Variants in DNAH8 observed in about 807,000 individuals in gnomAD.
The protein encoded by DNAH8 is dynein axonemal heavy chain 8.
DNAH8 carries 382 observed loss-of-function variants against 562.1 expected under a neutral mutation model. The observed-to-expected ratio is 0.68, with a 90% CI of 0.63 to 0.74. The LOEUF is 0.74. Ranked by LOEUF, DNAH8 falls within the 30% of genes least tolerant of loss-of-function variation. The pLI is 0.00. For synonymous variants in DNAH8, 1,881 were observed against 1,919.4 expected, an observed-to-expected ratio of 0.98 and a Z score of 0.52; for missense variants, 5,203 against 5,620.4, an observed-to-expected ratio of 0.93 and a Z score of 2.37.
At chr6:38,954,312 CA>C (rs1335717100) in intron 82 of DNAH8, among the ~76,000 whole-genome samples, 1 of 152,178 alleles carries the variant, frequency 6.6e-6, no homozygotes, top group African/African-American at 2.4e-5. Context: ...TAAAACCCCA[CA>C]ACCACACAAA....
chr6:39,009,436 T>C (rs1006679386), intron 89 of DNAH8, among the ~76,000 whole-genome samples: 24 of 152,202 alleles, frequency 1.6e-4, no homozygotes, highest in African/African-American at 5.8e-4. Context: ...TTTTAATCAC[T>C]TCTGAAACTC....
At chr6:39,008,442 A>G (rs1765944552) in intron 88 of DNAH8, among the ~76,000 whole-genome samples, 1 of 151,974 alleles carries the variant, frequency 6.6e-6, no homozygotes, top group South Asian at 2.1e-4. Context: ...ATAATGATAG[A>G]CTCTTATGAC....
intron 74 of DNAH8, among the ~76,000 whole-genome samples, chr6:38,929,103 CACTT>C (rs1782334956): frequency 6.6e-6 from 1 of 152,120 alleles, no homozygotes; most frequent in South Asian, 2.1e-4. Flanking sequence ...TACTTTTTAT[CACTT>C]ACTCATCTTG....
chr6:38,842,196 T>C (rs565061959), intron 33 of DNAH8, among the ~76,000 whole-genome samples, 172 bp from the exon 34 acceptor site: 1 of 152,354 alleles, frequency 6.6e-6, no homozygotes, highest in African/African-American at 2.4e-5. Flanking sequence ...TAATGACAGA[T>C]CTTTAACGAA....
At position 38,734,332 on chromosome 6, in the gene DNAH8, C is replaced by CCG. The variant is rs1015142120; in HGVS notation, c.611-141_611-140insGC. 3 of 796,996 alleles carry CCG rather than the reference C, an allele frequency of 3.8e-6. No individual in the cohort carries two copies. In the Admixed American group the frequency reaches 1.3e-4, roughly 34 times the overall value. 49.4% of individuals were successfully genotyped at this position (796,996 alleles called of 1,614,324 possible). On this transcript the variant is annotated intron_variant, in intron 4 of 92. Transcript: ENST00000327475. ...TATTGGCATCTTCTAGTAGACCCCC[C>CCG]CCCAAAAAAATTATTCTATGACCGT...
intron 21 of DNAH8, among the ~76,000 whole-genome samples, chr6:38,802,452 A>G (rs918799243): frequency 1.3e-5 from 2 of 152,222 alleles, no homozygotes; most frequent in African/African-American, 4.8e-5. Flanking sequence ...GGGCATGTCA[A>G]AAGACTTATT....
chr6:38,787,695 C>CAAAAAAAAAAAAAAAAAAAA (rs67293877), intron 18 of DNAH8, among the ~76,000 whole-genome samples: 1 of 79,620 alleles, frequency 1.3e-5, no homozygotes, highest in Admixed American at 1.4e-4. Flanking sequence ...GACTCCATCT[C>CAAAAAAAAAAAAAAAAAAAA]AAAAAAAAAA....
chr6:38,759,087 G>T (rs1766223240), intron 10 of DNAH8, among the ~76,000 whole-genome samples: 1 of 152,030 alleles, frequency 6.6e-6, no homozygotes, highest in Non-Finnish European at 1.5e-5. Context: ...AGGATCGCTG[G>T]AGCTCACGAG....
chr6:38,937,495 G>T (rs905339931), intron 77 of DNAH8, among the ~76,000 whole-genome samples: 1 of 152,180 alleles, frequency 6.6e-6, no homozygotes, highest in Non-Finnish European at 1.5e-5. Context: ...TTCTACTAAA[G>T]CAGTGTGAGG....
rs753024616 is a variant in DNAH8 at position 38,805,597 on chromosome 6, G to A, written c.3150+1G>A. 6 of 1,484,756 alleles carry A rather than the reference G, an allele frequency of 4.0e-6. No individual in the cohort carries two copies. The South Asian group carries it at 5.7e-5, about 14-fold the overall frequency. 92.0% of individuals were successfully genotyped at this position (1,484,756 alleles called of 1,614,324 possible). A position where few individuals can be genotyped will look rare whatever the true frequency, so the allele number is the denominator to read the frequency against. On this transcript the variant is annotated splice_donor_variant, in intron 23 of 92. Transcript: ENST00000327475. LOFTEE classifies it high-confidence loss of function. ...TGATAAAGAAGATGAATTTAAAAAGGTATTTATTGTGGAACAACTTCATGC... is the reference window on the plus strand; with the variant it reads ...TGATAAAGAAGATGAATTTAAAAAGATATTTATTGTGGAACAACTTCATGC...
rs748894410 is a variant in DNAH8 at position 38,826,118 on chromosome 6, A to G, written c.3848-38A>G. 20 of 1,388,282 alleles carry G rather than the reference A, an allele frequency of 1.4e-5. No homozygotes were observed. In the South Asian group the frequency reaches 2.5e-4, roughly 17 times the overall value. The allele number at this position is 1,388,282 out of a possible 1,614,324, so 86.0% of individuals were successfully genotyped here. On this transcript the variant is annotated intron_variant, in intron 28 of 92. Coordinates refer to ENST00000327475, the MANE Select transcript of DNAH8 (RefSeq NM_001206927.2). ...GATGCCCTTATAGTTTCAGAATGCCAGTTATATTCTAATTTAATTTCTTCT... is the reference window on the plus strand; with the variant it reads ...GATGCCCTTATAGTTTCAGAATGCCGGTTATATTCTAATTTAATTTCTTCT...
chr6:38,748,417 A>C (rs1765140081), intron 8 of DNAH8, among the ~76,000 whole-genome samples: 1 of 152,186 alleles, frequency 6.6e-6, no homozygotes, highest in Admixed American at 6.5e-5. Flanking sequence ...CTGATATCCC[A>C]ACCTCTTTGT....
intron 16 of DNAH8, among the ~76,000 whole-genome samples, chr6:38,781,657 A>C (rs2127640265): frequency 6.6e-6 from 1 of 152,310 alleles, no homozygotes; most frequent in South Asian, 2.1e-4. Context: ...TTAAAAAGTA[A>C]AAATAAAAAA....
chr6:38,791,785 T>G, intron 21 of DNAH8, 111 bp downstream of exon 21: 1 of 1,098,176 alleles, frequency 9.1e-7, no homozygotes, highest in Non-Finnish European at 1.3e-6. Context: ...TAGACTTTTT[T>G]TTTTTGTTTT....
chr6:38,854,250 T>C (rs1420895247), intron 41 of DNAH8, among the ~76,000 whole-genome samples: 1 of 152,066 alleles, frequency 6.6e-6, no homozygotes, highest in East Asian at 1.9e-4. Context: ...GAGGCCAAGA[T>C]TGGAGCAGGT....
intron 17 of DNAH8, among the ~76,000 whole-genome samples, chr6:38,786,389 G>T (rs4714181): frequency 0.13 from 19,797 of 152,190 alleles, 1,584 homozygotes; most frequent in East Asian, 0.39. Context: ...TTGAAATGAG[G>T]TGGGGCATCT....
Position 38,762,052 on chromosome 6 carries a change from C to G in DNAH8, c.1617+249C>G, listed in dbSNP as rs1766574677. Among the ~76,000 whole-genome samples, 8 of 152,244 alleles carry G rather than the reference C, an allele frequency of 5.3e-5. No individual in the cohort carries two copies. In the South Asian group the frequency reaches 1.7e-3, roughly 32 times the overall value. On this transcript the variant is annotated intron_variant, in intron 11 of 92. Coordinates refer to ENST00000327475, the MANE Select transcript of DNAH8 (RefSeq NM_001206927.2). ...CTGTGTGCCATTTCATACGCTCTGG[C>G]CCCTACATCTCATTCCAGCCTGTTA...
intron 82 of DNAH8, among the ~76,000 whole-genome samples, chr6:38,963,001 A>G (rs1356100327): frequency 3.3e-5 from 5 of 152,156 alleles, no homozygotes; most frequent in Non-Finnish European, 7.3e-5. Flanking sequence ...GTGAGGGATA[A>G]AATACTACTT....
At chr6:38,972,342 C>T (rs1053110484) in intron 83 of DNAH8, among the ~76,000 whole-genome samples, 1 of 152,130 alleles carries the variant, frequency 6.6e-6, no homozygotes, top group Non-Finnish European at 1.5e-5. Flanking sequence ...GAATTAATGA[C>T]TAGAGAGGGT....
Sources: allele counts gnomAD v4.1 joint callset (sites outside exome capture counted in the v4.1 genomes callset), GRCh38; gene constraint gnomAD v4.1.1; transcripts MANE v1.5; gene names NCBI Gene and HGNC (gene_info 2026-07-23, HGNC 2026-07-21).